TTBK2: variants seen among roughly 807,000 people sequenced by gnomAD.
TTBK2 encodes tau tubulin kinase 2.
TTBK2 carries 28 observed loss-of-function variants against 110.8 expected under a neutral mutation model. The ratio of observed to expected loss-of-function variants is 0.25; its 90% CI spans 0.19 to 0.35. The LOEUF is 0.35. TTBK2 is among the 10% of genes least tolerant of loss of function. The probability of loss-of-function intolerance (pLI) is 1.00; values close to 1 mark genes in which losing one functional copy is unlikely to be tolerated. For missense variants in TTBK2, 1,369 were observed against 1,500.3 expected, an observed-to-expected ratio of 0.91 and a Z score of 1.45; for synonymous variants, 532 against 527.3, an observed-to-expected ratio of 1.01 and a Z score of -0.12.
intron 6 of TTBK2, 27 bp downstream of exon 6, chr15:42,827,901 A>T (rs1300280860): frequency 1.3e-6 from 2 of 1,566,204 alleles, no homozygotes; most frequent in Admixed American, 3.3e-5. Context: ...ATTATCAAAT[A>T]TTTGATAATA....
At chr15:42,746,507 A>T (rs2061796686) in intron 14 of TTBK2, among the ~76,000 whole-genome samples, 1 of 152,206 alleles carries the variant, frequency 6.6e-6, no homozygotes, top group African/African-American at 2.4e-5. Flanking sequence ...CCAAGTACGT[A>T]GATGAACATC....
intron 10 of TTBK2, among the ~76,000 whole-genome samples, chr15:42,785,381 A>G (rs1890365561): frequency 1.3e-5 from 2 of 152,148 alleles, no homozygotes; most frequent in Admixed American, 1.3e-4. Flanking sequence ...TTGGCCTCCC[A>G]AAGTGCTGGG....
At chr15:42,766,149 C>T (rs1052566270) in intron 13 of TTBK2, among the ~76,000 whole-genome samples, 1 of 152,036 alleles carries the variant, frequency 6.6e-6, no homozygotes, top group Non-Finnish European at 1.5e-5. Flanking sequence ...CAATTGGTAC[C>T]AGCCACTGCA....
intron 9 of TTBK2, among the ~76,000 whole-genome samples, chr15:42,804,436 C>A (rs1891368551): frequency 1.4e-5 from 2 of 146,142 alleles, no homozygotes; most frequent in Admixed American, 6.8e-5. Context: ...AGCAAAACTC[C>A]ATCTCAAAAA....
chr15:42,792,654 T>C (rs1456020793), intron 10 of TTBK2, among the ~76,000 whole-genome samples: 1 of 152,176 alleles, frequency 6.6e-6, no homozygotes, highest in Non-Finnish European at 1.5e-5. Context: ...ATTGCTAATT[T>C]TCATCTTCCC....
chr15:42,876,870 C>T (rs953138344), intron 2 of TTBK2, among the ~76,000 whole-genome samples: 1 of 152,090 alleles, frequency 6.6e-6, no homozygotes, highest in Non-Finnish European at 1.5e-5. Flanking sequence ...TGAAGTGTGT[C>T]CCCTTAGTCA....
chr15:42,901,998 C>T (rs1392459249), intron 1 of TTBK2, among the ~76,000 whole-genome samples: 1 of 151,834 alleles, frequency 6.6e-6, no homozygotes, highest in Non-Finnish European at 1.5e-5. Context: ...GGCAGATCAC[C>T]TGAGGTCAGG....
At chr15:42,831,307 C>G (rs577892520) in intron 4 of TTBK2, among the ~76,000 whole-genome samples, 2 of 152,152 alleles carry the variant, frequency 1.3e-5, no homozygotes, top group East Asian at 3.9e-4. Context: ...CCTTGTCTCC[C>G]ATCTCAGCCT....
At chr15:42,831,716 C>T (rs1210501209) in intron 4 of TTBK2, among the ~76,000 whole-genome samples, 1 of 152,152 alleles carries the variant, frequency 6.6e-6, no homozygotes. Flanking sequence ...CATGATGCTG[C>T]TCCACCAAGG....
intron 9 of TTBK2, chr15:42,801,680 A>T (rs1173697964): frequency 3.4e-6 from 3 of 893,924 alleles, no homozygotes; most frequent in Admixed American, 1.7e-5. Flanking sequence ...CATGAACAGC[A>T]CCACAGATGT....
At chr15:42,801,457 A>C in intron 9 of TTBK2, 1 of 818,194 alleles carries the variant, frequency 1.2e-6, no homozygotes, top group Non-Finnish European at 2.2e-6. Context: ...CCTCAGTCTC[A>C]GCTTGGAGCC....
chr15:42,766,446 C>CAAAAAAAAAAAAAAA lies in TTBK2; in HGVS notation c.1998+8674_1998+8688dup, dbSNP rs567972612. On this transcript the variant is annotated intron_variant, in intron 13 of 14. Transcript: ENST00000267890. Reference sequence around the variant, plus strand: ...GAAGATCTACCAAGCGAATGGAAAGCAAAAAAAAAAAAAAAAAAAAAGCAA... The same window carrying CAAAAAAAAAAAAAAA: ...GAAGATCTACCAAGCGAATGGAAAGCAAAAAAAAAAAAAAAAAAAAAAAAAAAAAAAAAAAAGCAA... 9.8e-3 allele frequency among the ~76,000 whole-genome samples: 301 copies of CAAAAAAAAAAAAAAA among 30,812 alleles called. 30 individuals are homozygous for CAAAAAAAAAAAAAAA. The highest frequency in any genetic ancestry group is 0.021 in the African/African-American group (66 of 3,082). 20.2% of individuals were successfully genotyped at this position (30,812 alleles called of 152,430 possible). A position where few individuals can be genotyped will look rare whatever the true frequency, so the allele number is the denominator to read the frequency against.
At chr15:42,842,171 C>T (rs1473247685) in intron 3 of TTBK2, among the ~76,000 whole-genome samples, 1 of 152,102 alleles carries the variant, frequency 6.6e-6, no homozygotes, top group African/African-American at 2.4e-5. Context: ...GCTGGGATTA[C>T]AGGCATGAGC....
chr15:42,843,932 C>T (rs891778310), intron 3 of TTBK2, among the ~76,000 whole-genome samples: 1 of 152,190 alleles, frequency 6.6e-6, no homozygotes, highest in Middle Eastern at 3.4e-3. Flanking sequence ...AGTTTCAATA[C>T]CCCTGTGATT....
chr15:42,906,709 CA>C (rs1365603498), intron 1 of TTBK2, among the ~76,000 whole-genome samples: 8 of 152,086 alleles, frequency 5.3e-5, no homozygotes, highest in Non-Finnish European at 1.2e-4. Context: ...AGCTTCCGCA[CA>C]GCAAAGGAAA....
At chr15:42,791,441 A>T (rs1223884368) in intron 10 of TTBK2, among the ~76,000 whole-genome samples, 1 of 152,116 alleles carries the variant, frequency 6.6e-6, no homozygotes, top group African/African-American at 2.4e-5. Context: ...TTCAATTTGC[A>T]TTACCTTCTC....
rs536876820 is a variant in TTBK2, at chr15:42,812,007, C to G, written c.604-227G>C. On this transcript the variant is annotated intron_variant, in intron 7 of 14. Transcript: ENST00000267890. ...AAACTTTTTGAAACAAAGGACACTCCAAAACATAGAAATGGTGGAAGTAAT... is the reference window on the plus strand; with the variant it reads ...AAACTTTTTGAAACAAAGGACACTCGAAAACATAGAAATGGTGGAAGTAAT... Among the ~76,000 whole-genome samples the G allele has an allele frequency of 3.3e-5, 5 of 152,112 alleles. 2 individuals carry two copies. The highest frequency in any genetic ancestry group is 1.2e-4 in the African/African-American group (5 of 41,470).
chr15:42,781,711 T>C (rs1358774217), intron 11 of TTBK2, among the ~76,000 whole-genome samples: 1 of 152,182 alleles, frequency 6.6e-6, no homozygotes, highest in Non-Finnish European at 1.5e-5. Flanking sequence ...ATGTCACTGA[T>C]TACTAGATTA....
intron 9 of TTBK2, chr15:42,801,997 A>T (rs1213805357): frequency 6.6e-7 from 1 of 1,511,478 alleles, no homozygotes; most frequent in African/African-American, 1.4e-5. Flanking sequence ...GCTCTCGAAC[A>T]TGTTGTCCAT....
Sources: gnomAD v4.1 joint callset for allele counts (sites outside exome capture counted in the v4.1 genomes callset) on GRCh38, gnomAD v4.1.1 for gene constraint, MANE v1.5 for transcripts, NCBI Gene and HGNC (gene_info 2026-07-23, HGNC 2026-07-21) for gene names.